Variants in RFT1 observed in about 807,000 individuals in gnomAD.
RFT1 encodes the protein RFT1 glycolipid translocator homolog, also known as man(5)GlcNAc(2)-PP-dolichol translocation protein RFT1.
RFT1 carries 43 observed loss-of-function variants against 62.2 expected under a neutral mutation model. The observed-to-expected ratio is 0.69, with a 90% CI of 0.54 to 0.89. The LOEUF (loss-of-function observed/expected upper bound fraction) is 0.89, where lower values mean the gene tolerates loss of function less well. Ranked by LOEUF, RFT1 falls within the 40% of genes least tolerant of loss-of-function variation. The pLI is 0.00. For missense variants in RFT1, 605 were observed against 649.9 expected (o/e 0.93, Z 0.75); for synonymous variants, 262 against 264.6 (o/e 0.99, Z 0.10).
chr3:53,114,883 A>C (rs1399159931), intron 6 of RFT1, among the ~76,000 whole-genome samples: 1 of 152,182 alleles, frequency 6.6e-6, no homozygotes, highest in Non-Finnish European at 1.5e-5. Flanking sequence ...ACTCAGGATG[A>C]TATGATCAGC....
Position 53,091,844 on chromosome 3 carries a change from C to A in RFT1, c.*59G>T. On this transcript the variant is annotated 3_prime_UTR_variant, in exon 13 of 13. Transcript: ENST00000296292. Reference sequence around the variant, plus strand: ...TGGGGCTCTTACACAGAATGTGTTCCACCCACAGAACTACCCATAGCTGGT... The same window carrying A: ...TGGGGCTCTTACACAGAATGTGTTCAACCCACAGAACTACCCATAGCTGGT... The A allele has an allele frequency of 6.4e-7, 1 of 1,573,150 alleles. No homozygotes were observed. Among genetic ancestry groups the A allele is most frequent in the Non-Finnish European group, 8.7e-7 (1 of 1,144,254 alleles).
At chr3:53,067,153 C>T in the RFT1 span, among the ~76,000 whole-genome samples, 6 of 152,104 alleles carry the variant, frequency 3.9e-5, no homozygotes, top group Non-Finnish European at 8.8e-5. Context: ...CATAGTGAAA[C>T]CCTGTCTCTA....
Position 53,122,484 on chromosome 3 carries a change from C to A in RFT1, c.346G>T (p.Val116Phe). 1 of 1,613,814 alleles carries A rather than the reference C, an allele frequency of 6.2e-7. No individual in the cohort carries two copies. Among genetic ancestry groups the A allele is most frequent in the African/African-American group, 1.3e-5 (1 of 74,944 alleles). ...ACCACTCCAGTTGCATAGTGAGGGA[C>A]AACATTAGGATCAGGCACTTCAAGC... Reference protein sequence around the residue: ...QLLEVPDPNVVPHYATGVVLF... With the variant: ...QLLEVPDPNVFPHYATGVVLF... Residue 116 changes from valine (V) to phenylalanine (F), a missense_variant, in exon 4 of 13, where the codon GTC becomes TTC. Coordinates refer to ENST00000296292, the MANE Select transcript of RFT1 (RefSeq NM_052859.4).
At chr3:53,096,265 C>A (rs1701134898) in intron 11 of RFT1, among the ~76,000 whole-genome samples, 1 of 152,080 alleles carries the variant, frequency 6.6e-6, no homozygotes, top group African/African-American at 2.4e-5. Context: ...AGAGTAGATG[C>A]TCAAAAGTAT....
the RFT1 span, among the ~76,000 whole-genome samples, chr3:53,073,679 G>C: frequency 6.6e-6 from 1 of 152,208 alleles, no homozygotes; most frequent in Non-Finnish European, 1.5e-5. Context: ...CAGTGAAAAG[G>C]ATGAGCTTGC....
chr3:53,083,066 C>T, the RFT1 span, among the ~76,000 whole-genome samples: 20 of 151,520 alleles, frequency 1.3e-4, 1 homozygote, highest in South Asian at 6.3e-4. Flanking sequence ...CTGGGTGTGG[C>T]GGTGGGCACC....
At chr3:53,122,606 A>C in intron 3 of RFT1, 43 bp from the exon 4 acceptor site, 1 of 1,234,558 alleles carries the variant, frequency 8.1e-7, no homozygotes. Context: ...TTTAAAATAA[A>C]TATAAATATA....
At chr3:53,114,117 G>A (rs1034195808) in intron 6 of RFT1, among the ~76,000 whole-genome samples, 3 of 152,154 alleles carry the variant, frequency 2.0e-5, no homozygotes, top group Admixed American at 6.5e-5. Flanking sequence ...AGGGGGCACT[G>A]GGGACCACGT....
At chr3:53,080,314 A>T in the RFT1 span, among the ~76,000 whole-genome samples, 2 of 152,132 alleles carry the variant, frequency 1.3e-5, no homozygotes, top group Non-Finnish European at 2.9e-5. Flanking sequence ...GGGCCTAGTC[A>T]CTGGGGTTTC....
intron 6 of RFT1, among the ~76,000 whole-genome samples, chr3:53,119,209 G>GAAA (rs759258492): frequency 1.5e-5 from 2 of 136,890 alleles, no homozygotes; most frequent in African/African-American, 5.4e-5. Flanking sequence ...GTCTCAAGGA[G>GAAA]AAAAAAAAAA....
At chr3:53,082,233 T>C in the RFT1 span, among the ~76,000 whole-genome samples, 4 of 152,192 alleles carry the variant, frequency 2.6e-5, no homozygotes, top group African/African-American at 7.2e-5. Context: ...TTCTAGCACT[T>C]TGGGAGGCCA....
intron 1 of RFT1, among the ~76,000 whole-genome samples, chr3:53,128,750 A>G (rs1316084407): frequency 1.3e-5 from 2 of 152,234 alleles, no homozygotes; most frequent in African/African-American, 2.4e-5. Context: ...AGCTCAAGCA[A>G]TCCTCCTGCC....
At chr3:53,122,654 T>C (rs900922645) in intron 3 of RFT1, 91 bp from the exon 4 acceptor site, 1 of 796,316 alleles carries the variant, frequency 1.3e-6, no homozygotes, top group Admixed American at 3.5e-5. Flanking sequence ...AAAATAGTTA[T>C]AATACAAACA....
At chr3:53,086,648 T>C (rs1327840444), downstream of RFT1, among the ~76,000 whole-genome samples, 8 of 152,092 alleles carry the variant, frequency 5.3e-5, no homozygotes, top group Admixed American at 5.2e-4. Context: ...TTGTGTTTCA[T>C]TGTCTTTGAG....
intron 5 of RFT1, 75 bp from the exon 6 acceptor site, chr3:53,120,096 C>T: frequency 7.7e-7 from 1 of 1,296,022 alleles, no homozygotes; most frequent in Non-Finnish European, 1.1e-6. Flanking sequence ...AAAGGCCAGT[C>T]AAGTAATAGA....
chr3:53,125,675 G>T (rs2107172573), intron 2 of RFT1, among the ~76,000 whole-genome samples: 1 of 152,356 alleles, frequency 6.6e-6, no homozygotes, highest in Admixed American at 6.5e-5. Flanking sequence ...AGCTGGCAAA[G>T]AAATGTGCAT....
intron 6 of RFT1, 28 bp downstream of exon 6, chr3:53,119,856 T>C (rs1701917745): frequency 2.5e-6 from 4 of 1,574,374 alleles, no homozygotes; most frequent in Non-Finnish European, 1.7e-6. Context: ...ATGATTAAAA[T>C]GATAAGAGAT....
In RFT1 at chr3:53,122,484, C is replaced by G; in HGVS notation, c.346G>C (p.Val116Leu). ...ACCACTCCAGTTGCATAGTGAGGGA[C>G]AACATTAGGATCAGGCACTTCAAGC... ...QLLEVPDPNV[V>L]PHYATGVVLF... Residue 116 changes from valine to leucine, a missense_variant, in exon 4 of 13, where the codon GTC becomes CTC. Coordinates refer to ENST00000296292, the MANE Select transcript of RFT1 (RefSeq NM_052859.4). The G allele has an allele frequency of 1.2e-6, 2 of 1,613,814 alleles. No homozygotes were observed. Among genetic ancestry groups the G allele is most frequent in the South Asian group, 2.2e-5 (2 of 91,066 alleles).
rs992848842 is a variant in RFT1 at position 53,092,394 on chromosome 3, C to G, written c.1433G>C (p.Ser478Thr). The G allele has an allele frequency of 1.2e-6, 2 of 1,604,746 alleles. No homozygotes were observed. The highest frequency in any genetic ancestry group is 1.7e-6 in the Non-Finnish European group (2 of 1,176,230). Residue 478 changes from serine to threonine, a missense_variant, in exon 12 of 13, where the codon AGT (serine) becomes ACT (threonine). Physicochemically the swap from Ser to Thr is moderately conservative, Grantham distance 58. Transcript: ENST00000296292. ...CTCCGAAACAGCAGTAACCCCACCA[C>G]TGAGGGCAAATGTCCCGAGCAGGAC... ...SPVLLGTFAL[S>T]GGVTAVSEVF... is the part of the protein sequence containing the mutation.
Sources: gnomAD v4.1 joint callset for allele counts (sites outside exome capture counted in the v4.1 genomes callset) on GRCh38, gnomAD v4.1.1 for gene constraint, MANE v1.5 for transcripts, NCBI Gene and HGNC (gene_info 2026-07-23, HGNC 2026-07-21) for gene names.